Variants in CDKN1A observed in about 807,000 individuals in gnomAD.
CDKN1A encodes cyclin dependent kinase inhibitor 1A.
Under a neutral mutation model 14.8 loss-of-function variants are expected in CDKN1A, and 14 were observed. That is an observed-to-expected ratio of 0.94 (90% confidence interval 0.62 to 1.48). The LOEUF is 1.48. Ranked by LOEUF, CDKN1A falls within the 40% of genes most tolerant of loss-of-function variation. The pLI is 0.00. For synonymous variants in CDKN1A, 92 were observed against 93.5 expected, an observed-to-expected ratio of 0.98 and a Z score of 0.09; for missense variants, 203 against 231.7, an observed-to-expected ratio of 0.88 and a Z score of 0.80.
At chr6:36,680,340 G>GTGTGTGTGTGTGTGTGTGTGTGTC (rs1310329037) in intron 1 of CDKN1A, 2 of 148,236 alleles carry the variant, frequency 1.3e-5, no homozygotes, top group African/African-American at 2.5e-5. Context: ...GTGTGTGTGT[G>GTGTGTGTGTGTGTGTGTGTGTGTC]TGTGTCTGTG....
chr6:36,679,761 G>C (rs543276323), intron 1 of CDKN1A, among the ~76,000 whole-genome samples: 85 of 152,058 alleles, frequency 5.6e-4, no homozygotes, highest in Non-Finnish European at 7.2e-4. Context: ...CCGCGGCCGG[G>C]AGAATCGCGG....
At chr6:36,677,966 G>C, upstream of CDKN1A, 4 of 1,052,514 alleles carry the variant, frequency 3.8e-6, no homozygotes, top group Non-Finnish European at 4.0e-6. Context: ...TTGGTTCAAT[G>C]TCCAATTCTT....
At chr6:36,685,367 G>C (rs1002643052) in intron 2 of CDKN1A, among the ~76,000 whole-genome samples, 2 of 152,322 alleles carry the variant, frequency 1.3e-5, no homozygotes, top group Admixed American at 1.3e-4. Context: ...CGGTACAGGG[G>C]CCACGAGCCA....
In CDKN1A at chr6:36,686,684, AC is replaced by A. The variant is rs1762218340; in HGVS notation, c.*889del. 8.7e-6 allele frequency: 2 copies of A among 230,434 alleles called. No individual in the cohort carries two copies. The highest frequency in any genetic ancestry group is 1.7e-5 in the Non-Finnish European group (2 of 117,236). 14.3% of individuals were successfully genotyped at this position (230,434 alleles called of 1,614,324 possible). A position where few individuals can be genotyped will look rare whatever the true frequency, so the allele number is the denominator to read the frequency against. On this transcript the variant is annotated 3_prime_UTR_variant, in exon 3 of 3. Coordinates refer to ENST00000244741, the MANE Select transcript of CDKN1A (RefSeq NM_000389.5). This position sits in a 1 kb window ranked among gnomAD's most constrained non-coding sequence, Gnocchi z 4.9. ...GCTCTGAGGTGCCTGTCCCACCCCC[AC>A]CCCCAGCTCAATGGACTGGAAGGGG...
upstream of CDKN1A, chr6:36,678,100 T>G: frequency 2.6e-6 from 1 of 377,978 alleles, no homozygotes; most frequent in South Asian, 2.1e-5. The surrounding 1 kb of genome is among the most constrained non-coding windows in gnomAD (Gnocchi z 5.7). Context: ...TCCTCATCTG[T>G]GAAATAAACG....
chr6:36,681,758 A>AT (rs559197520), intron 1 of CDKN1A, among the ~76,000 whole-genome samples: 58 of 149,978 alleles, frequency 3.9e-4, no homozygotes, highest in Non-Finnish European at 6.7e-4. Flanking sequence ...TGCCCGGCTA[A>AT]TTTTTTTTTG....
In CDKN1A at chr6:36,686,616, T is replaced by C; in HGVS notation, c.*816T>C. The C allele has an allele frequency of 4.3e-6, 1 of 233,760 alleles. No individual in the cohort carries two copies. Among genetic ancestry groups the C allele is most frequent in the Non-Finnish European group, 8.5e-6 (1 of 118,158 alleles). 14.5% of individuals were successfully genotyped at this position (233,760 alleles called of 1,614,324 possible). The stretch of plus-strand genomic sequence containing the variant: ...TGCAATTCCCCTCTGCTGCTGTCCC[T>C]CCCCCTTGTCCTTTCCCTTCAGTAC... On this transcript the variant is annotated 3_prime_UTR_variant, in exon 3 of 3. Coordinates refer to ENST00000244741, the MANE Select transcript of CDKN1A (RefSeq NM_000389.5). This position sits in a 1 kb window ranked among gnomAD's most constrained non-coding sequence, Gnocchi z 4.9.
intron 2 of CDKN1A, among the ~76,000 whole-genome samples, chr6:36,685,171 G>A (rs1389622652): frequency 6.6e-6 from 1 of 152,184 alleles, no homozygotes; most frequent in South Asian, 2.1e-4. Flanking sequence ...AGGAAACCAG[G>A]CTCAGAGAGG....
Position 36,684,413 on chromosome 6 carries a change from G to T in CDKN1A, c.312G>T (p.Gly104=). The change falls in exon 2 of 3, where the codon GGG becomes GGT. Residue 104 remains glycine (G), a synonymous_variant. Transcript: ENST00000244741. This position sits in a 1 kb window ranked among gnomAD's most constrained non-coding sequence, Gnocchi z 6.0. ...GCACCTCACCTGCTCTGCTGCAGGG[G>T]ACAGCAGAGGAAGACCATGTGGACC... ...RPGTSPALLQ[G]TAEEDHVDLS... is the part of the protein sequence containing the mutation. 2 of 1,613,604 alleles carry T rather than the reference G, an allele frequency of 1.2e-6. No homozygotes were observed. Among genetic ancestry groups the T allele is most frequent in the Non-Finnish European group, 1.7e-6 (2 of 1,179,804 alleles).
chr6:36,681,405 CTTCCTT>C lies in CDKN1A; in HGVS notation c.-6+2609_-6+2614del, dbSNP rs763341687. Among the ~76,000 whole-genome samples, 922 of 92,386 alleles carry C rather than the reference CTTCCTT, an allele frequency of 1.0e-2. 46 individuals are homozygous for C. Among genetic ancestry groups the C allele is most frequent in the African/African-American group, 0.026 (585 of 22,708 alleles). 60.6% of individuals were successfully genotyped at this position (92,386 alleles called of 152,430 possible). On this transcript the variant is annotated intron_variant, in intron 1 of 2. Coordinates refer to ENST00000244741, the MANE Select transcript of CDKN1A (RefSeq NM_000389.5). ...TCTTTCTTTCTTTCTTTCTTTCTTT[CTTCCTT>C]TCTCTTTCTCTCTTTCTTTCTCTTT...
At chr6:36,682,500 G>T (rs897402301) in intron 1 of CDKN1A, 2 of 152,288 alleles carry the variant, frequency 1.3e-5, no homozygotes, top group Non-Finnish European at 2.9e-5. Context: ...GTTACCAAGA[G>T]CCTCCTCTCC....
At chr6:36,681,492 G>A (rs1394318117) in intron 1 of CDKN1A, among the ~76,000 whole-genome samples, 1 of 147,292 alleles carries the variant, frequency 6.8e-6, no homozygotes, top group East Asian at 2.0e-4. Flanking sequence ...AGGCTGGAGT[G>A]CAATGGCACC....
At chr6:36,682,623 A>G (rs1290665909) in intron 1 of CDKN1A, 1 of 152,308 alleles carries the variant, frequency 6.6e-6, no homozygotes, top group East Asian at 1.9e-4. Flanking sequence ...AGGACTCAGC[A>G]GAGCTTTCAC....
intron 1 of CDKN1A, among the ~76,000 whole-genome samples, chr6:36,679,613 C>G (rs1048465752): frequency 6.6e-6 from 1 of 152,232 alleles, no homozygotes; most frequent in African/African-American, 2.4e-5. Flanking sequence ...AAGCCGGGCA[C>G]TGGAGGTCCG....
intron 1 of CDKN1A, among the ~76,000 whole-genome samples, chr6:36,681,677 C>T (rs1466706980): frequency 2.0e-5 from 3 of 147,362 alleles, no homozygotes; most frequent in Non-Finnish European, 4.5e-5. Flanking sequence ...ACTGCAAGCT[C>T]CGCCTCCCGG....
chr6:36,681,585 ATTTTTTTT>A (rs908259380), intron 1 of CDKN1A, among the ~76,000 whole-genome samples: 4 of 67,448 alleles, frequency 5.9e-5, no homozygotes, highest in African/African-American at 2.4e-4. Context: ...CCATGCCCAG[ATTTTTTTT>A]TTTTTTTTTT....
upstream of CDKN1A, chr6:36,678,609 A>AGGGCGGTCCC: frequency 1.1e-6 from 1 of 948,476 alleles, no homozygotes; most frequent in Non-Finnish European, 1.3e-6. This position sits in a 1 kb window ranked among gnomAD's most constrained non-coding sequence, Gnocchi z 5.7. Context: ...GGCCCCGGGG[A>AGGGCGGTCCC]GGGCGGTCCC....
intron 1 of CDKN1A, chr6:36,680,324 G>A (rs1251939507): frequency 2.0e-5 from 3 of 149,384 alleles, no homozygotes; most frequent in Non-Finnish European, 4.5e-5. Flanking sequence ...GTGTGTGTGT[G>A]TGTGTGTGTG....
chr6:36,684,167 C>A lies in CDKN1A; in HGVS notation c.66C>A (p.Phe22Leu), dbSNP rs746664004. ...GCAGCAAGGCCTGCCGCCGCCTCTT[C>A]GGCCCAGTGGACAGCGAGCAGCTGA... Reference protein sequence around the residue: ...PCGSKACRRLFGPVDSEQLSR... With the variant: ...PCGSKACRRLLGPVDSEQLSR... Residue 22 changes from phenylalanine (F) to leucine (L), a missense_variant, in exon 2 of 3, where the codon TTC becomes TTA. Transcript: ENST00000244741. The surrounding 1 kb of genome is among the most constrained non-coding windows in gnomAD (Gnocchi z 6.0). The A allele has an allele frequency of 6.2e-7, 1 of 1,612,470 alleles. No homozygotes were observed.
Sources: gnomAD v4.1 joint callset for allele counts (sites outside exome capture counted in the v4.1 genomes callset) on GRCh38, gnomAD v4.1.1 for gene constraint, Gnocchi (gnomAD v3.1) non-coding constraint, MANE v1.5 for transcripts, NCBI Gene and HGNC (gene_info 2026-07-23, HGNC 2026-07-21) for gene names.